Variants in MYH9 observed in about 807,000 individuals in gnomAD.
The protein encoded by MYH9 is myosin heavy chain 9.
Under a neutral mutation model 241.9 loss-of-function variants are expected in MYH9, and 29 were observed. The ratio of observed to expected loss-of-function variants is 0.12; its 90% CI spans 0.09 to 0.16. MYH9 has a LOEUF of 0.16. MYH9 is among the 10% of genes least tolerant of loss of function. MYH9 has a pLI of 1.00. For synonymous variants in MYH9, 1,047 were observed against 1,062.6 expected (o/e 0.99, Z 0.29); for missense variants, 1,803 against 2,595.5 (o/e 0.69, Z 6.63).
At chr22:36,359,249 T>TG (rs2017900061) in intron 1 of MYH9, among the ~76,000 whole-genome samples, 1 of 152,230 alleles carries the variant, frequency 6.6e-6, no homozygotes. Context: ...TCCAAATGTC[T>TG]GGCACAATGC....
chr22:36,314,194 A>G lies in MYH9; in HGVS notation c.1505T>C (p.Ile502Thr). 6.2e-7 allele frequency: 1 copy of G among 1,614,204 alleles called. No individual in the cohort carries two copies. Among genetic ancestry groups the G allele is most frequent in the Non-Finnish European group, 8.5e-7 (1 of 1,180,026 alleles). Residue 502 changes from isoleucine (I) to threonine (T), a missense_variant, in exon 13 of 41, where the codon ATC (isoleucine) becomes ACC (threonine). Around this residue, in one of 11 missense-constraint regions of MYH9, gnomAD observed 163 missense variants for 349.7 expected, o/e 0.47. Transcript: ENST00000216181. ...GGGCTGCAGGTCGAGGCCAAAGTCGATGAAGTTCCACTCGATGCCCTCGCG... is the reference window on the plus strand; with the variant it reads ...GGGCTGCAGGTCGAGGCCAAAGTCGGTGAAGTTCCACTCGATGCCCTCGCG... ...YQREGIEWNFIDFGLDLQPCI... is the reference protein window; with the variant it reads ...YQREGIEWNFTDFGLDLQPCI...
intron 3 of MYH9, among the ~76,000 whole-genome samples, chr22:36,340,073 T>C (rs1445308293): frequency 1.3e-5 from 2 of 151,720 alleles, no homozygotes; most frequent in African/African-American, 4.8e-5. Flanking sequence ...ATTAGGGAAA[T>C]GTAAGGAGTT....
chr22:36,318,279 G>A lies in MYH9; in HGVS notation c.1155C>T (p.Phe385=). 6.2e-7 allele frequency: 1 copy of A among 1,613,902 alleles called. No homozygotes were observed. The highest frequency in any genetic ancestry group is 8.5e-7 in the Non-Finnish European group (1 of 1,180,034). Reference sequence around the variant, plus strand: ...TGCGCGGGGTGAGGATTCCTCTGGTGAAATCGGTCACATTGATACCCAAGA... The same window carrying A: ...TGCGCGGGGTGAGGATTCCTCTGGTAAAATCGGTCACATTGATACCCAAGA... ...SHLLGINVTD[F]TRGILTPRIK... is the part of the protein sequence containing the mutation. Residue 385 remains phenylalanine (F), a synonymous_variant, in exon 11 of 41, where the codon TTC becomes TTT. Transcript: ENST00000216181.
chr22:36,348,134 T>A (rs968918149), intron 2 of MYH9, among the ~76,000 whole-genome samples: 3 of 148,522 alleles, frequency 2.0e-5, no homozygotes, highest in Admixed American at 6.7e-5. Flanking sequence ...ATATTTTATT[T>A]AAAAAAATTT....
chr22:36,301,709 G>A, intron 20 of MYH9, 44 bp from the exon 21 acceptor site: 1 of 1,602,276 alleles, frequency 6.2e-7, no homozygotes, highest in Non-Finnish European at 8.5e-7. Context: ...GCTGGAAGAT[G>A]CCCGCCTCTG....
chr22:36,322,152 A>G (rs985254620), intron 6 of MYH9, among the ~76,000 whole-genome samples: 1 of 152,252 alleles, frequency 6.6e-6, no homozygotes, highest in African/African-American at 2.4e-5. Flanking sequence ...GTGACAGCTG[A>G]GCACTCTGGG....
rs1218861338 is a variant in MYH9, at chr22:36,282,689, A to C, written c.5862T>G (p.Ala1954=). The change falls in exon 41 of 41, where the codon GCT becomes GCG. Residue 1954 remains alanine, a synonymous_variant. Coordinates refer to ENST00000216181, the MANE Select transcript of MYH9 (RefSeq NM_002473.6). The part of the protein sequence containing the change: ...DEEVDGKADG[A]EAKPAE ...AGGCTTATTCGGCAGGTTTGGCCTCAGCCCCATCCGCTTTGCCATCTACCT... is the reference window on the plus strand; with the variant it reads ...AGGCTTATTCGGCAGGTTTGGCCTCCGCCCCATCCGCTTTGCCATCTACCT... 6.2e-7 allele frequency: 1 copy of C among 1,614,070 alleles called. No homozygotes were observed. The highest frequency in any genetic ancestry group is 1.7e-5 in the Admixed American group (1 of 60,030).
At position 36,353,901 on chromosome 22, in the gene MYH9, G is replaced by C. The variant is rs116956393; in HGVS notation, c.-19-4646C>G. 8.7e-3 allele frequency among the ~76,000 whole-genome samples: 1,330 copies of C among 152,042 alleles called. 15 individuals are homozygous for C. Among genetic ancestry groups the C allele is most frequent in the South Asian group, 0.063 (302 of 4,810 alleles). ...CTATTTTCCTGTAGGGCTAGGATTT[G>C]CTTGGTTTTTGTTTTTTGAGATGAA... On this transcript the variant is annotated intron_variant, in intron 1 of 40. Coordinates refer to ENST00000216181, the MANE Select transcript of MYH9 (RefSeq NM_002473.6).
chr22:36,384,593 A>AT lies in MYH9; in HGVS notation c.-20+3213_-20+3214insA, dbSNP rs1233084215. ...GCAAGACTCTGTCTCAAAAAAAAAAAAAAAAAAAAAAAAAAAAAATATATA... is the reference window on the plus strand; with the variant it reads ...GCAAGACTCTGTCTCAAAAAAAAAAATAAAAAAAAAAAAAAAAAAATATATA... On this transcript the variant is annotated intron_variant, in intron 1 of 40. Coordinates refer to ENST00000216181, the MANE Select transcript of MYH9 (RefSeq NM_002473.6). Among the ~76,000 whole-genome samples the AT allele has an allele frequency of 1.3e-3, 50 of 38,928 alleles. 2 individuals carry two copies. Among genetic ancestry groups the AT allele is most frequent in the African/African-American group, 4.0e-3 (47 of 11,874 alleles). The allele number at this position is 38,928 out of a possible 152,430, so 25.5% of individuals were successfully genotyped here. A position where few individuals can be genotyped will look rare whatever the true frequency, so the allele number is the denominator to read the frequency against.
Position 36,284,386 on chromosome 22 carries a change from C to T in MYH9, c.5592+17G>A, listed in dbSNP as rs1178320171. 1 of 1,611,036 alleles carries T rather than the reference C, an allele frequency of 6.2e-7. No individual in the cohort carries two copies. Among genetic ancestry groups the T allele is most frequent in the South Asian group, 1.1e-5 (1 of 91,078 alleles). ...CCAGCCCCGCTGCCCTTCTCACTGC[C>T]CCACCAGCGCCCACACCTGGTCCTT... On this transcript the variant is annotated intron_variant, in intron 39 of 40. Transcript: ENST00000216181.
intron 25 of MYH9, among the ~76,000 whole-genome samples, chr22:36,296,640 A>C (rs1485807300): frequency 6.6e-6 from 1 of 150,482 alleles, no homozygotes; most frequent in Non-Finnish European, 1.5e-5. Flanking sequence ...TTTTTTTCAA[A>C]TTATAAACAA....
At chr22:36,332,670 A>AAC (rs1173285559) in intron 3 of MYH9, among the ~76,000 whole-genome samples, 1 of 149,624 alleles carries the variant, frequency 6.7e-6, no homozygotes, top group African/African-American at 2.5e-5. Context: ...TTAAAAAAAA[A>AAC]AAAAAAAAAA....
intron 1 of MYH9, among the ~76,000 whole-genome samples, chr22:36,353,612 C>T (rs1040312547): frequency 6.6e-6 from 1 of 152,130 alleles, no homozygotes; most frequent in East Asian, 1.9e-4. Flanking sequence ...CCTTGGACTC[C>T]CAGAGTGCTG....
At position 36,285,772 on chromosome 22, in the gene MYH9, C is replaced by A; in HGVS notation, c.5160G>T (p.Ala1720=). Residue 1720 remains alanine (A), a synonymous_variant, in exon 37 of 41, where the codon GCG becomes GCT. Transcript: ENST00000216181. The surrounding 1 kb of genome is among the most constrained non-coding windows in gnomAD (Gnocchi z 7.0). ...CCTCCAGACGCCGCTTCTCCTCTAA[C>A]GCCAGGGCTCTGCGGGGTGGGCGGG... ...IANSSGKGAL[A]LEEKRRLEAR... is the part of the protein sequence containing the mutation. 6.2e-7 allele frequency: 1 copy of A among 1,609,692 alleles called. No individual in the cohort carries two copies. Among genetic ancestry groups the A allele is most frequent in the Non-Finnish European group, 8.5e-7 (1 of 1,178,320 alleles).
At position 36,309,577 on chromosome 22, in the gene MYH9, G is replaced by A. The variant is rs1557530; in HGVS notation, c.1729-181C>T. On this transcript the variant is annotated intron_variant, in intron 14 of 40. Transcript: ENST00000216181. The stretch of plus-strand genomic sequence containing the variant: ...GATAAGGGGAGCGAGGCATCAAGAC[G>A]TTCTCTGCGGCGTCTCGTGCAGAGC... 0.52 allele frequency among the ~76,000 whole-genome samples: 78,401 copies of A among 151,792 alleles called. 23,194 individuals are homozygous for A. Among genetic ancestry groups the A allele is most frequent in the Non-Finnish European group, 0.67 (45,731 of 67,826 alleles).
At chr22:36,290,576 G>C (rs1382674027) in intron 31 of MYH9, among the ~76,000 whole-genome samples, 1 of 151,212 alleles carries the variant, frequency 6.6e-6, no homozygotes, top group Non-Finnish European at 1.5e-5. Flanking sequence ...CACCCCATCT[G>C]GGAAGTGAGG....
At position 36,305,452 on chromosome 22, in the gene MYH9, G is replaced by C. The variant is rs1280278953; in HGVS notation, c.2160-350C>G. Among the ~76,000 whole-genome samples, 1 of 152,186 alleles carries C rather than the reference G, an allele frequency of 6.6e-6. No individual in the cohort carries two copies. The highest frequency in any genetic ancestry group is 1.5e-5 in the Non-Finnish European group (1 of 68,024). On this transcript the variant is annotated intron_variant, in intron 17 of 40. Coordinates refer to ENST00000216181, the MANE Select transcript of MYH9 (RefSeq NM_002473.6). The surrounding 1 kb of genome is among the most constrained non-coding windows in gnomAD (Gnocchi z 4.7). Reference sequence around the variant, plus strand: ...CAGCTTCCCTGGGACGCTGCAGGGAGCTGCTAATAAACAGAGATGGCCCAA... The same window carrying C: ...CAGCTTCCCTGGGACGCTGCAGGGACCTGCTAATAAACAGAGATGGCCCAA...
At chr22:36,284,294 C>A in intron 39 of MYH9, 29 bp from the exon 40 acceptor site, 1 of 1,606,022 alleles carries the variant, frequency 6.2e-7, no homozygotes, top group Non-Finnish European at 8.5e-7. Flanking sequence ...GGCCCGTGGC[C>A]CCGGTTAGGG....
chr22:36,288,450 C>T lies in MYH9; in HGVS notation c.4771-37G>A, dbSNP rs1443759513. 3.7e-6 allele frequency: 6 copies of T among 1,603,314 alleles called. No individual in the cohort carries two copies. The highest frequency in any genetic ancestry group is 5.1e-6 in the Non-Finnish European group (6 of 1,179,856). ...AACATCAACAACTTGGGAAGCTGGACCCACTGGGAGACCCTGCCCTAGCTC... is the reference window on the plus strand; with the variant it reads ...AACATCAACAACTTGGGAAGCTGGATCCACTGGGAGACCCTGCCCTAGCTC... On this transcript the variant is annotated intron_variant, in intron 33 of 40. Coordinates refer to ENST00000216181, the MANE Select transcript of MYH9 (RefSeq NM_002473.6). The surrounding 1 kb of genome is among the most constrained non-coding windows in gnomAD (Gnocchi z 4.8).
Sources: allele counts gnomAD v4.1 joint callset (sites outside exome capture counted in the v4.1 genomes callset), GRCh38; gene constraint gnomAD v4.1.1; regional missense constraint gnomAD v4.1.1; non-coding constraint Gnocchi (gnomAD v3.1); transcripts MANE v1.5; gene names NCBI Gene and HGNC (gene_info 2026-07-23, HGNC 2026-07-21).